The following LRRC8C variants were observed in gnomAD, a reference collection of about 807,000 sequenced individuals.
LRRC8C encodes leucine rich repeat containing 8 VRAC subunit C, also known as volume-regulated anion channel subunit LRRC8C.
Under a neutral mutation model 55.3 loss-of-function variants are expected in LRRC8C, and 20 were observed. That is an observed-to-expected ratio of 0.36 (90% CI 0.25 to 0.53). The LOEUF (loss-of-function observed/expected upper bound fraction) is 0.53, where lower values mean the gene tolerates loss of function less well. Among genes scored for constraint, LRRC8C ranks in the 20% least tolerant of loss-of-function variants. The pLI is 0.92. For missense variants in LRRC8C, 659 were observed against 951.4 expected, an observed-to-expected ratio of 0.69 and a Z score of 4.04; for synonymous variants, 376 against 360.7, an observed-to-expected ratio of 1.04 and a Z score of -0.48.
intron 1 of LRRC8C, among the ~76,000 whole-genome samples, chr1:89,668,535 A>G (rs1393896032): frequency 1.3e-5 from 2 of 152,208 alleles, no homozygotes; most frequent in African/African-American, 4.8e-5. Flanking sequence ...CCTGAATGCA[A>G]TCCTGAAAGA....
intron 1 of LRRC8C, among the ~76,000 whole-genome samples, chr1:89,680,549 CTTTTTT>C (rs10593283): frequency 1.1e-5 from 1 of 91,870 alleles, no homozygotes; most frequent in Admixed American, 1.6e-4. Context: ...TGCTTTCATG[CTTTTTT>C]TTTTTTTTTT....
At chr1:89,639,654 A>T (rs928941004) in intron 1 of LRRC8C, among the ~76,000 whole-genome samples, 9 of 152,184 alleles carry the variant, frequency 5.9e-5, no homozygotes, top group Admixed American at 3.9e-4. Context: ...CTACACTGAA[A>T]CTGCCACAAG....
At chr1:89,632,331 T>TA (rs1656129529), upstream of LRRC8C, 1 of 152,260 alleles carries the variant, frequency 6.6e-6, no homozygotes, top group African/African-American at 2.4e-5. Context: ...TCAACTCCTT[T>TA]ATGCGGGAGC....
intron 1 of LRRC8C, among the ~76,000 whole-genome samples, chr1:89,685,020 G>A (rs1165157575): frequency 2.7e-5 from 4 of 150,650 alleles, no homozygotes; most frequent in Non-Finnish European, 5.9e-5. Flanking sequence ...AGACGGAATA[G>A]ATAACATTGT....
At chr1:89,701,251 C>T (rs1007948955) in intron 2 of LRRC8C, among the ~76,000 whole-genome samples, 4 of 152,212 alleles carry the variant, frequency 2.6e-5, no homozygotes, top group African/African-American at 4.8e-5. Flanking sequence ...CCGAGGCAGG[C>T]GGATCACGAG....
Position 89,644,520 on chromosome 1 carries a change from A to G in LRRC8C, c.-5+11198A>G, listed in dbSNP as rs115787252. On this transcript the variant is annotated intron_variant, in intron 1 of 2. Transcript: ENST00000370454. ...AGAAATGGAGGGGAACTGATCCTTG[A>G]CAGAAAGAGACTCCACTGGATGAGA... 9.8e-3 allele frequency among the ~76,000 whole-genome samples: 1,486 copies of G among 152,328 alleles called. 17 individuals carry two copies. Among genetic ancestry groups the G allele is most frequent in the African/African-American group, 0.034 (1,413 of 41,562 alleles).
At chr1:89,670,275 T>C (rs188281400) in intron 1 of LRRC8C, among the ~76,000 whole-genome samples, 25 of 152,316 alleles carry the variant, frequency 1.6e-4, no homozygotes, top group Admixed American at 5.2e-4. Context: ...GAGACCCTAG[T>C]GCTGAAGAAG....
intron 2 of LRRC8C, among the ~76,000 whole-genome samples, chr1:89,707,465 G>A (rs1315970417): frequency 6.6e-6 from 1 of 151,942 alleles, no homozygotes; most frequent in Non-Finnish European, 1.5e-5. Context: ...CCAGTCTAAT[G>A]CCCCCAGCAG....
At chr1:89,641,086 C>T (rs1934043) in intron 1 of LRRC8C, among the ~76,000 whole-genome samples, 84,737 of 151,980 alleles carry the variant, frequency 0.56, 24,040 homozygotes, top group East Asian at 0.79. Context: ...ATTTAATACA[C>T]ATTTGCTGAA....
intron 2 of LRRC8C, among the ~76,000 whole-genome samples, chr1:89,707,650 G>A (rs890927285): frequency 8.0e-6 from 1 of 124,540 alleles, no homozygotes. Context: ...GTGTGTGTGT[G>A]AGTGTGTGTG....
intron 1 of LRRC8C, among the ~76,000 whole-genome samples, chr1:89,656,279 G>A (rs1485491314): frequency 6.6e-6 from 1 of 152,248 alleles, no homozygotes; most frequent in Non-Finnish European, 1.5e-5. Flanking sequence ...CTGGATCGCA[G>A]TGGTCAGAGG....
intron 2 of LRRC8C, among the ~76,000 whole-genome samples, chr1:89,705,739 C>T (rs541851090): frequency 2.6e-5 from 4 of 151,966 alleles, no homozygotes; most frequent in African/African-American, 9.7e-5. Flanking sequence ...AAGATCACGC[C>T]ACTGCACCCC....
intron 1 of LRRC8C, among the ~76,000 whole-genome samples, chr1:89,636,217 C>T (rs1454775117): frequency 6.6e-6 from 1 of 152,208 alleles, no homozygotes; most frequent in Admixed American, 6.5e-5. Flanking sequence ...CAGCTCTTGT[C>T]ACCTAGTAGG....
intron 1 of LRRC8C, among the ~76,000 whole-genome samples, chr1:89,670,256 G>A (rs1001645821): frequency 6.6e-6 from 1 of 152,066 alleles, no homozygotes; most frequent in Non-Finnish European, 1.5e-5. Context: ...AGCTCATTCC[G>A]TGATGTGAGA....
Position 89,707,995 on chromosome 1 carries a change from G to C in LRRC8C, c.139-4714G>C, listed in dbSNP as rs149610107. Reference sequence around the variant, plus strand: ...TAAATGATTTCATTCTAAGAATTCTGAGAATTCTTATAGCAGCTTTTAGAA... The same window carrying C: ...TAAATGATTTCATTCTAAGAATTCTCAGAATTCTTATAGCAGCTTTTAGAA... On this transcript the variant is annotated intron_variant, in intron 2 of 2. Transcript: ENST00000370454. Among the ~76,000 whole-genome samples the C allele has an allele frequency of 5.9e-4, 89 of 152,074 alleles. 1 individual carries two copies. The highest frequency in any genetic ancestry group is 1.9e-3 in the African/African-American group (78 of 41,404).
chr1:89,672,115 A>G (rs1053654062), intron 1 of LRRC8C, among the ~76,000 whole-genome samples: 2 of 152,202 alleles, frequency 1.3e-5, no homozygotes, highest in African/African-American at 4.8e-5. Context: ...GGAAAAACAA[A>G]CAACAAAAAA....
At chr1:89,619,434 A>G in the LRRC8C span, among the ~76,000 whole-genome samples, 7 of 150,178 alleles carry the variant, frequency 4.7e-5, no homozygotes, top group African/African-American at 1.7e-4. Context: ...CAATTTATTT[A>G]CATAAATGAA....
intron 1 of LRRC8C, among the ~76,000 whole-genome samples, chr1:89,654,253 G>C (rs1224021632): frequency 6.6e-6 from 1 of 152,158 alleles, no homozygotes; most frequent in African/African-American, 2.4e-5. Flanking sequence ...ATAGACATTG[G>C]AGACTTGGAA....
chr1:89,678,475 T>G (rs1657610123), intron 1 of LRRC8C, among the ~76,000 whole-genome samples: 2 of 152,124 alleles, frequency 1.3e-5, no homozygotes, highest in African/African-American at 4.8e-5. Flanking sequence ...CCAAGGCCGG[T>G]GGATCACCTG....
Sources: allele counts gnomAD v4.1 joint callset (sites outside exome capture counted in the v4.1 genomes callset), GRCh38; gene constraint gnomAD v4.1.1; transcripts MANE v1.5; gene names NCBI Gene and HGNC (gene_info 2026-07-23, HGNC 2026-07-21).